Variants in PDE7B observed in about 807,000 individuals in gnomAD.
PDE7B encodes the protein 3',5'-cyclic-AMP phosphodiesterase 7B.
PDE7B carries 29 observed loss-of-function variants against 56.2 expected under a neutral mutation model. The observed-to-expected ratio is 0.52, with a 90% CI of 0.38 to 0.70. PDE7B has a LOEUF of 0.70. PDE7B is among the 30% of genes least tolerant of loss of function. The pLI is 0.00. For synonymous variants in PDE7B, 197 were observed against 196.9 expected (o/e 1.00, Z 0.00); for missense variants, 490 against 565.0 (o/e 0.87, Z 1.35).
intron 2 of PDE7B, among the ~76,000 whole-genome samples, chr6:136,011,327 A>G (rs1407494330): frequency 6.6e-6 from 1 of 152,178 alleles, no homozygotes; most frequent in Admixed American, 6.5e-5. Context: ...CTCCCTTCTC[A>G]AGTGAATATA....
intron 1 of PDE7B, among the ~76,000 whole-genome samples, chr6:135,869,957 C>T (rs898215087): frequency 2.6e-5 from 4 of 152,128 alleles, no homozygotes; most frequent in Admixed American, 6.5e-5. Flanking sequence ...ATTCACAGGG[C>T]GTGGTGGAAA....
At chr6:135,945,407 C>A (rs1485379238) in intron 1 of PDE7B, among the ~76,000 whole-genome samples, 1 of 152,124 alleles carries the variant, frequency 6.6e-6, no homozygotes, top group Admixed American at 6.6e-5. Flanking sequence ...TATCCAACCT[C>A]CTTCCTCCAT....
chr6:136,165,712 CCT>C (rs979401736), intron 8 of PDE7B: 86 of 152,236 alleles, frequency 5.6e-4, no homozygotes, highest in African/African-American at 1.8e-3. Flanking sequence ...GCAAAAGAAA[CCT>C]CTCTCAGATG....
rs1205384100 is a variant in PDE7B, at chr6:135,979,337, C to T, written c.82+31813C>T. On this transcript the variant is annotated intron_variant, in intron 2 of 12. Transcript: ENST00000308191. ...CATCAAGGATATTGGTCTAAAATTC[C>T]CTTTTGTGGTTGTGTCTCTGCCCGG... is the stretch of plus-strand genomic sequence containing the variant. 2.3e-4 allele frequency among the ~76,000 whole-genome samples: 35 copies of T among 151,654 alleles called. 1 individual carries two copies. Among genetic ancestry groups the T allele is most frequent in the African/African-American group, 8.5e-4 (35 of 41,090 alleles).
At chr6:136,033,688 G>A (rs762270012) in intron 2 of PDE7B, among the ~76,000 whole-genome samples, 13 of 152,082 alleles carry the variant, frequency 8.5e-5, no homozygotes, top group African/African-American at 1.4e-4. Context: ...AGACTAAGTC[G>A]TTTTTCCTAC....
intron 2 of PDE7B, among the ~76,000 whole-genome samples, chr6:135,987,495 G>T (rs1775402772): frequency 6.6e-6 from 1 of 152,070 alleles, no homozygotes; most frequent in Non-Finnish European, 1.5e-5. Context: ...TGTGATTGTG[G>T]TATCTCAAAT....
intron 3 of PDE7B, among the ~76,000 whole-genome samples, chr6:136,122,470 C>T (rs1477722603): frequency 6.6e-6 from 1 of 152,202 alleles, no homozygotes; most frequent in Non-Finnish European, 1.5e-5. Flanking sequence ...ATTCCCTCTT[C>T]AATCCCCTAA....
At chr6:135,981,776 T>C (rs1043272233) in intron 2 of PDE7B, among the ~76,000 whole-genome samples, 1 of 151,900 alleles carries the variant, frequency 6.6e-6, no homozygotes, top group African/African-American at 2.4e-5. Flanking sequence ...CTTTTTTTTT[T>C]TTCAGAAGTA....
rs1775214732 is a variant in PDE7B, at chr6:135,864,550, A to G, written c.21+12531A>G. Among the ~76,000 whole-genome samples the G allele has an allele frequency of 2.6e-5, 4 of 152,070 alleles. No individual in the cohort carries two copies. The South Asian group carries it at 8.3e-4, about 32-fold the overall frequency. Reference sequence around the variant, plus strand: ...CTTATCACTTTTATTGTTTCTGTTGATAAGTCAGAAAATAGTCTTTTAAAA... The same window carrying G: ...CTTATCACTTTTATTGTTTCTGTTGGTAAGTCAGAAAATAGTCTTTTAAAA... On this transcript the variant is annotated intron_variant, in intron 1 of 12. Coordinates refer to ENST00000308191, the MANE Select transcript of PDE7B (RefSeq NM_018945.4).
chr6:136,051,084 T>G (rs1423194211), intron 2 of PDE7B, among the ~76,000 whole-genome samples: 1 of 151,502 alleles, frequency 6.6e-6, no homozygotes. Context: ...TCTGAACCAT[T>G]GCAGAAATTT....
At chr6:136,093,121 T>C (rs943937572) in intron 2 of PDE7B, among the ~76,000 whole-genome samples, 6 of 152,206 alleles carry the variant, frequency 3.9e-5, no homozygotes, top group African/African-American at 1.4e-4. Context: ...CATCAAATGA[T>C]CTCTGTAAAG....
chr6:136,168,047 G>A (rs1188763905), intron 8 of PDE7B, among the ~76,000 whole-genome samples: 1 of 152,172 alleles, frequency 6.6e-6, no homozygotes, highest in Admixed American at 6.6e-5. Flanking sequence ...AACTTTGAAA[G>A]ACAGGGGCTG....
intron 2 of PDE7B, among the ~76,000 whole-genome samples, chr6:136,063,158 T>C (rs1484635059): frequency 1.3e-5 from 2 of 152,162 alleles, no homozygotes; most frequent in African/African-American, 4.8e-5. Flanking sequence ...AAAATAGCAA[T>C]ATGTGAATCT....
chr6:136,056,494 T>C (rs1275902601), intron 2 of PDE7B, among the ~76,000 whole-genome samples: 2 of 142,020 alleles, frequency 1.4e-5, no homozygotes, highest in Admixed American at 7.1e-5. Flanking sequence ...AATTCTGAGC[T>C]CCTTTGCAGA....
intron 8 of PDE7B, among the ~76,000 whole-genome samples, chr6:136,168,593 G>T (rs1036783137): frequency 6.6e-6 from 1 of 152,130 alleles, no homozygotes. Flanking sequence ...AGGATGACTT[G>T]AAGAAAAACA....
At chr6:136,036,147 C>G (rs111962344) in intron 2 of PDE7B, among the ~76,000 whole-genome samples, 1 of 152,050 alleles carries the variant, frequency 6.6e-6, no homozygotes, top group Admixed American at 6.5e-5. Context: ...AGTCTTGATG[C>G]CCCCAGCCTG....
chr6:135,886,927 T>G (rs907496310), intron 1 of PDE7B, among the ~76,000 whole-genome samples: 2 of 152,196 alleles, frequency 1.3e-5, no homozygotes, highest in Non-Finnish European at 2.9e-5. Flanking sequence ...CTTTGAGTTC[T>G]TTAAGGATCC....
chr6:136,028,908 C>T (rs1776193480), intron 2 of PDE7B, among the ~76,000 whole-genome samples: 1 of 152,170 alleles, frequency 6.6e-6, no homozygotes, highest in Non-Finnish European at 1.5e-5. Context: ...ATTATTCTGC[C>T]TACTATACAT....
intron 1 of PDE7B, among the ~76,000 whole-genome samples, chr6:135,853,518 T>G (rs1021819606): frequency 2.0e-5 from 3 of 152,194 alleles, no homozygotes; most frequent in African/African-American, 4.8e-5. Context: ...AGTTACGTCT[T>G]GATTGACATT....
Sources: gnomAD v4.1 joint callset for allele counts (sites outside exome capture counted in the v4.1 genomes callset) on GRCh38, gnomAD v4.1.1 for gene constraint, MANE v1.5 for transcripts, NCBI Gene and HGNC (gene_info 2026-07-23, HGNC 2026-07-21) for gene names.